The following CSMD1 variants were observed in gnomAD, a reference collection of about 807,000 sequenced individuals.
The protein encoded by CSMD1 is CUB and Sushi multiple domains 1, also known as CUB and sushi domain-containing protein 1.
In CSMD1, 213 loss-of-function variants were observed where a neutral mutation model predicts 417.5. The observed-to-expected ratio is 0.51, with a 90% CI of 0.46 to 0.57. The LOEUF (loss-of-function observed/expected upper bound fraction) is 0.57. Among genes scored for constraint, CSMD1 ranks in the 20% least tolerant of loss-of-function variants. The pLI is 0.00. For missense variants in CSMD1, 6,923 were observed against 4,529.7 expected (o/e 1.53, Z -15.17); for synonymous variants, 2,862 against 1,736.8 (o/e 1.65, Z -16.11).
chr8:3,152,790 G>C (rs529403467), intron 39 of CSMD1, among the ~76,000 whole-genome samples: 1 of 152,336 alleles, frequency 6.6e-6, no homozygotes, highest in African/African-American at 2.4e-5. Flanking sequence ...CTAGGCATTT[G>C]CAAGGCCAGG....
At chr8:3,578,938 C>T (rs1031580226) in intron 9 of CSMD1, among the ~76,000 whole-genome samples, 23 of 152,330 alleles carry the variant, frequency 1.5e-4, no homozygotes, top group East Asian at 1.2e-3. Context: ...TATCTGTAGA[C>T]GCACGTTTAC....
At chr8:3,530,172 T>G (rs865867913) in intron 10 of CSMD1, among the ~76,000 whole-genome samples, 1 of 152,192 alleles carries the variant, frequency 6.6e-6, no homozygotes, top group African/African-American at 2.4e-5. Flanking sequence ...TCATCTCTCC[T>G]CCAATCTTTA....
intron 3 of CSMD1, among the ~76,000 whole-genome samples, chr8:4,070,765 C>T (rs1381728179): frequency 6.6e-6 from 1 of 152,216 alleles, no homozygotes; most frequent in Non-Finnish European, 1.5e-5. Context: ...ACGAGCCTGT[C>T]ACTGACACCC....
At chr8:3,918,212 G>A (rs561505038) in intron 5 of CSMD1, among the ~76,000 whole-genome samples, 2 of 152,032 alleles carry the variant, frequency 1.3e-5, no homozygotes, top group Non-Finnish European at 2.9e-5. Context: ...ATAATTACCT[G>A]GAAGTGGGGA....
chr8:4,532,086 C>T (rs1796847098), intron 2 of CSMD1, among the ~76,000 whole-genome samples: 2 of 150,218 alleles, frequency 1.3e-5, no homozygotes, highest in African/African-American at 2.5e-5. Flanking sequence ...CACAGTCACT[C>T]TGGAAGAGAA....
chr8:3,881,608 C>CA (rs370466578), intron 5 of CSMD1, among the ~76,000 whole-genome samples: 16,801 of 102,180 alleles, frequency 0.16, 1,288 homozygotes, highest in African/African-American at 0.22. Flanking sequence ...GACTCCATCT[C>CA]AAAAAAAAAA....
At chr8:2,982,593 T>C (rs1273158337) in intron 54 of CSMD1, among the ~76,000 whole-genome samples, 1 of 152,202 alleles carries the variant, frequency 6.6e-6, no homozygotes, top group Non-Finnish European at 1.5e-5. Context: ...ACTGTTCCCG[T>C]GGCATGCCTC....
rs546438691 is a variant in CSMD1, at chr8:3,984,698, A to T, written c.818+13205T>A. Among the ~76,000 whole-genome samples, 647 of 101,878 alleles carry T rather than the reference A, an allele frequency of 6.4e-3. 12 individuals carry two copies. Among genetic ancestry groups the T allele is most frequent in the African/African-American group, 0.023 (619 of 27,272 alleles). The allele number at this position is 101,878 out of a possible 152,430, so 66.8% of individuals were successfully genotyped here. A position where few individuals can be genotyped will look rare whatever the true frequency, so the allele number is the denominator to read the frequency against. Reference sequence around the variant, plus strand: ...GATTTATGGGTTCAGGATTCAGTGTATATATCATATATATATATATATATA... The same window carrying T: ...GATTTATGGGTTCAGGATTCAGTGTTTATATCATATATATATATATATATA... On this transcript the variant is annotated intron_variant, in intron 5 of 69. Coordinates refer to ENST00000635120, the MANE Select transcript of CSMD1 (RefSeq NM_033225.6).
intron 3 of CSMD1, among the ~76,000 whole-genome samples, chr8:4,098,109 A>G (rs1039460943): frequency 6.6e-6 from 1 of 152,214 alleles, no homozygotes; most frequent in Admixed American, 6.5e-5. Flanking sequence ...GGCTGAATTA[A>G]GATGATCTTT....
intron 3 of CSMD1, among the ~76,000 whole-genome samples, chr8:4,405,735 A>T (rs1201547471): frequency 6.6e-6 from 1 of 152,224 alleles, no homozygotes; most frequent in Non-Finnish European, 1.5e-5. Flanking sequence ...CTTTGAAGTT[A>T]GTGCACCACC....
At chr8:3,893,571 T>A (rs1563185211) in intron 5 of CSMD1, among the ~76,000 whole-genome samples, 1 of 151,878 alleles carries the variant, frequency 6.6e-6, no homozygotes, top group Non-Finnish European at 1.5e-5. Flanking sequence ...CTCTACTTCC[T>A]CTGCACCTGT....
At chr8:3,447,137 C>T (rs1585177640) in intron 12 of CSMD1, among the ~76,000 whole-genome samples, 1 of 152,104 alleles carries the variant, frequency 6.6e-6, no homozygotes, top group East Asian at 1.9e-4. Flanking sequence ...GCACAACAGA[C>T]ATGATCAAAG....
Position 4,723,625 on chromosome 8 carries a change from A to G in CSMD1, c.86-86067T>C, listed in dbSNP as rs1181909576. On this transcript the variant is annotated intron_variant, in intron 1 of 69. Transcript: ENST00000635120. Reference sequence around the variant, plus strand: ...ATTTAAAAAGCAAATAATAATTAGCAGTTTGTTTAGCTAATGACCTTACAT... The same window carrying G: ...ATTTAAAAAGCAAATAATAATTAGCGGTTTGTTTAGCTAATGACCTTACAT... 2.6e-5 allele frequency among the ~76,000 whole-genome samples: 4 copies of G among 152,124 alleles called. No individual in the cohort carries two copies. The South Asian group carries it at 6.2e-4, about 24-fold the overall frequency.
Position 4,647,368 on chromosome 8 carries a change from C to T in CSMD1, c.86-9810G>A, listed in dbSNP as rs1453488847. Among the ~76,000 whole-genome samples, 16 of 96,610 alleles carry T rather than the reference C, an allele frequency of 1.7e-4. No homozygotes were observed. The East Asian group carries it at 2.0e-3, about 12-fold the overall frequency. 63.4% of individuals were successfully genotyped at this position (96,610 alleles called of 152,430 possible). A position where few individuals can be genotyped will look rare whatever the true frequency, so the allele number is the denominator to read the frequency against. The stretch of plus-strand genomic sequence containing the variant: ...GGTACGCGTGTGCCACGGCGGCCTG[C>T]TACGTAGGTACGCGTGTGCCACGGA... On this transcript the variant is annotated intron_variant, in intron 1 of 69. Transcript: ENST00000635120.
chr8:4,373,477 A>G (rs999054487), intron 3 of CSMD1, among the ~76,000 whole-genome samples: 8 of 152,220 alleles, frequency 5.3e-5, no homozygotes, highest in African/African-American at 1.9e-4. Flanking sequence ...CCATAAATCT[A>G]AAACTGTCCT....
chr8:4,201,958 A>G (rs1163348113), intron 3 of CSMD1, among the ~76,000 whole-genome samples: 1 of 151,464 alleles, frequency 6.6e-6, no homozygotes, highest in African/African-American at 2.4e-5. Flanking sequence ...AAAAACCCTG[A>G]GACAGAAAAC....
At chr8:3,782,853 C>T (rs1204723358) in intron 5 of CSMD1, among the ~76,000 whole-genome samples, 1 of 152,096 alleles carries the variant, frequency 6.6e-6, no homozygotes, top group Non-Finnish European at 1.5e-5. Flanking sequence ...CTTTCTTGCC[C>T]TAGCTCGCCT....
At chr8:3,830,361 G>C (rs1802305371) in intron 5 of CSMD1, among the ~76,000 whole-genome samples, 1 of 152,184 alleles carries the variant, frequency 6.6e-6, no homozygotes, top group South Asian at 2.1e-4. Flanking sequence ...TCTGCTCAGA[G>C]GTTGCTTTCC....
chr8:4,794,818 A>C (rs983617664), intron 1 of CSMD1, among the ~76,000 whole-genome samples: 1 of 152,192 alleles, frequency 6.6e-6, no homozygotes, highest in Non-Finnish European at 1.5e-5. Context: ...CAATGGTCCA[A>C]GTTACAATTT....
Sources: gnomAD v4.1 joint callset for allele counts (sites outside exome capture counted in the v4.1 genomes callset) on GRCh38, gnomAD v4.1.1 for gene constraint, MANE v1.5 for transcripts, NCBI Gene and HGNC (gene_info 2026-07-23, HGNC 2026-07-21) for gene names.